PDE1C: variants seen among roughly 807,000 people sequenced by gnomAD.
The protein encoded by PDE1C is dual specificity calcium/calmodulin-dependent 3',5'-cyclic nucleotide phosphodiesterase 1C.
In PDE1C, 62 loss-of-function variants were observed where a neutral mutation model predicts 93.1. The ratio of observed to expected loss-of-function variants is 0.67; its 90% CI spans 0.54 to 0.82. The LOEUF (loss-of-function observed/expected upper bound fraction) is 0.82. Ranked by LOEUF, PDE1C falls within the 40% of genes least tolerant of loss-of-function variation. PDE1C has a pLI of 0.00. For missense variants in PDE1C, 742 were observed against 884.6 expected (o/e 0.84, Z 2.04); for synonymous variants, 325 against 310.1 (o/e 1.05, Z -0.50).
At chr7:31,830,578 A>G (rs1444424381) in intron 11 of PDE1C, among the ~76,000 whole-genome samples, 1 of 152,206 alleles carries the variant, frequency 6.6e-6, no homozygotes, top group Admixed American at 6.5e-5. Context: ...CCACTCAGAC[A>G]TTCATGACAG....
At chr7:32,032,894 C>G (rs1196866112) in intron 2 of PDE1C, among the ~76,000 whole-genome samples, 2 of 152,098 alleles carry the variant, frequency 1.3e-5, no homozygotes, top group Non-Finnish European at 2.9e-5. Context: ...TTGTAAGGTT[C>G]CTGTGAGTAA....
the PDE1C span, among the ~76,000 whole-genome samples, chr7:31,697,597 C>T: frequency 6.6e-6 from 1 of 152,066 alleles, no homozygotes; most frequent in Non-Finnish European, 1.5e-5. Flanking sequence ...GAGCACAGCC[C>T]CAGTCTGTAA....
At chr7:32,395,349 C>T (rs1406994081) in intron 1 of PDE1C, among the ~76,000 whole-genome samples, 1 of 151,956 alleles carries the variant, frequency 6.6e-6, no homozygotes, top group East Asian at 1.9e-4. Context: ...ACTGAGTTTA[C>T]AGAGAAAAGT....
chr7:32,040,402 A>G (rs10225102), intron 2 of PDE1C, among the ~76,000 whole-genome samples: 25,645 of 152,134 alleles, frequency 0.17, 2,838 homozygotes, highest in East Asian at 0.31. Context: ...AGCAGTATCC[A>G]TGGTCTCTAT....
chr7:31,767,512 C>T (rs764138891), intron 17 of PDE1C, among the ~76,000 whole-genome samples: 1 of 152,172 alleles, frequency 6.6e-6, no homozygotes, highest in Non-Finnish European at 1.5e-5. Context: ...CCTGAGGCCT[C>T]CCCAGAAGAA....
rs137940839 is a variant in PDE1C at position 32,393,741 on chromosome 7, A to G, written c.310+34081T>C. ...TTTCTAACTCCAGGTTACATTCACA[A>G]TACATTTAATTTAAAAATATATCCT... is the stretch of plus-strand genomic sequence containing the variant. On this transcript the variant is annotated intron_variant, in intron 1 of 1. Coordinates refer to the PDE1C transcript ENST00000672256. Among the ~76,000 whole-genome samples the G allele has an allele frequency of 3.3e-4, 50 of 152,340 alleles. 1 individual carries two copies. In the East Asian group the frequency reaches 9.3e-3, roughly 28 times the overall value.
intron 1 of PDE1C, among the ~76,000 whole-genome samples, chr7:32,331,930 G>T (rs35603961): frequency 0.031 from 4,710 of 152,176 alleles, 135 homozygotes; most frequent in African/African-American, 0.076. Flanking sequence ...TTAAAAGCAA[G>T]GCCACCTAAA....
chr7:31,617,583 C>T, the PDE1C span, among the ~76,000 whole-genome samples: 1 of 152,168 alleles, frequency 6.6e-6, no homozygotes, highest in South Asian at 2.1e-4. Context: ...TGATTAGTCT[C>T]TTCCATTAAC....
At chr7:32,427,499 G>A (rs1263752687) in intron 1 of PDE1C, among the ~76,000 whole-genome samples, 1 of 152,142 alleles carries the variant, frequency 6.6e-6, no homozygotes, top group East Asian at 1.9e-4. Context: ...GGGAGGAGAT[G>A]GGAAAGGTGC....
chr7:31,912,514 C>A (rs1020119949), intron 2 of PDE1C, among the ~76,000 whole-genome samples: 8 of 151,664 alleles, frequency 5.3e-5, no homozygotes, highest in African/African-American at 1.7e-4. Flanking sequence ...GGTGAAATCC[C>A]ACCTATAGAA....
intron 2 of PDE1C, among the ~76,000 whole-genome samples, chr7:31,965,205 C>T (rs1809717624): frequency 6.8e-6 from 1 of 146,842 alleles, no homozygotes; most frequent in African/African-American, 2.6e-5. Context: ...AGTTAAAAAC[C>T]TTGAAAAAAA....
At chr7:32,249,686 C>A (rs1809222832) in intron 1 of PDE1C, among the ~76,000 whole-genome samples, 1 of 152,184 alleles carries the variant, frequency 6.6e-6, no homozygotes, top group African/African-American at 2.4e-5. Flanking sequence ...CAAATGCTAT[C>A]TCCCATATCC....
intron 1 of PDE1C, among the ~76,000 whole-genome samples, chr7:32,269,268 C>T (rs868381652): frequency 1.3e-5 from 2 of 152,110 alleles, no homozygotes; most frequent in Non-Finnish European, 2.9e-5. Flanking sequence ...GGGTGAGATG[C>T]TGCATTTCTA....
the PDE1C span, among the ~76,000 whole-genome samples, chr7:31,698,166 T>C: frequency 1.8e-4 from 28 of 152,318 alleles, no homozygotes; most frequent in Non-Finnish European, 3.5e-4. Flanking sequence ...AATTTGGCTG[T>C]TGTTATAAAA....
chr7:32,281,483 G>A (rs1171371261), intron 1 of PDE1C, among the ~76,000 whole-genome samples: 2 of 152,094 alleles, frequency 1.3e-5, no homozygotes, highest in African/African-American at 4.8e-5. Context: ...GCTTTGAGAG[G>A]CTGAGGCAGG....
At chr7:32,336,263 G>A (rs557046582) in intron 1 of PDE1C, among the ~76,000 whole-genome samples, 1 of 152,272 alleles carries the variant, frequency 6.6e-6, no homozygotes, top group African/African-American at 2.4e-5. Context: ...ACTTCATGAA[G>A]GAGACTTCAG....
chr7:31,766,383 CAAAAAA>C (rs71727115), intron 17 of PDE1C, among the ~76,000 whole-genome samples: 1 of 139,684 alleles, frequency 7.2e-6, no homozygotes, highest in African/African-American at 2.7e-5. Context: ...GACTGTGTCT[CAAAAAA>C]AAAAAAATCT....
Position 31,879,183 on chromosome 7 carries a change from A to G in PDE1C, c.243-5T>C. 1.2e-6 allele frequency: 2 copies of G among 1,609,240 alleles called. No individual in the cohort carries two copies. Among genetic ancestry groups the G allele is most frequent in the East Asian group, 4.5e-5 (2 of 44,786 alleles). ...TCCTCTGTATCCAGGAGTCTCCTGA[A>G]CACAAGAAACAGAATCAGCACACTG... On this transcript the variant is annotated splice_polypyrimidine_tract_variant and splice_region_variant and intron_variant, in intron 3 of 17. Coordinates refer to ENST00000396191, the MANE Select transcript of PDE1C (RefSeq NM_001191057.4).
intron 16 of PDE1C, among the ~76,000 whole-genome samples, chr7:31,795,422 T>C (rs1313072232): frequency 6.6e-6 from 1 of 151,740 alleles, no homozygotes; most frequent in Non-Finnish European, 1.5e-5. Context: ...ACATCAGTAT[T>C]AAGGAAAAAA....
Sources: gnomAD v4.1 joint callset for allele counts (sites outside exome capture counted in the v4.1 genomes callset) on GRCh38, gnomAD v4.1.1 for gene constraint, MANE v1.5 for transcripts, NCBI Gene and HGNC (gene_info 2026-07-23, HGNC 2026-07-21) for gene names.